The following BTBD8 variants were observed in gnomAD, a reference collection of about 807,000 sequenced individuals.
BTBD8 encodes BTB domain containing 8.
In BTBD8, 110 loss-of-function variants were observed where a neutral mutation model predicts 162.9. That is an observed-to-expected ratio of 0.68 (90% CI 0.58 to 0.79). The LOEUF is 0.79. Among genes scored for constraint, BTBD8 ranks in the 30% least tolerant of loss-of-function variants. BTBD8 has a pLI of 0.00. For synonymous variants in BTBD8, 667 were observed against 716.1 expected, an observed-to-expected ratio of 0.93 and a Z score of 1.10; for missense variants, 1,905 against 2,085.4, an observed-to-expected ratio of 0.91 and a Z score of 1.68.
Position 92,178,318 on chromosome 1 carries a change from A to G in BTBD8, c.2448A>G (p.Leu816=), listed in dbSNP as rs1557467437. Residue 816 remains leucine (L), a synonymous_variant, in exon 16 of 18, where the codon CTA becomes CTG. Coordinates refer to ENST00000636805, the MANE Select transcript of BTBD8 (RefSeq NM_001376131.1). ...TGCAAATAATTTTTTTTAGTGTACT[A>G]AAGAAAGTCAGTGGCAAAGGATGTA... ...EQDTNVNNSV[L]KKVSGKGCSE... The G allele has an allele frequency of 2.6e-6, 4 of 1,549,474 alleles. No homozygotes were observed. The highest frequency in any genetic ancestry group is 2.0e-5 in the Admixed American group (1 of 50,536).
rs758484989 is a variant in BTBD8 at position 92,181,630 on chromosome 1, A to G, written c.3947A>G (p.Asn1316Ser). ...TPEELKIYDSNLRIEVKMKKQ... is the reference protein window; with the variant it reads ...TPEELKIYDSSLRIEVKMKKQ... ...GAAGAATTAAAAATTTATGATAGTAATTTAAGAATTGAAGTAAAAATGAAA... is the reference window on the plus strand; with the variant it reads ...GAAGAATTAAAAATTTATGATAGTAGTTTAAGAATTGAAGTAAAAATGAAA... The change falls in exon 17 of 18, where the codon AAT (asparagine) becomes AGT (serine). Residue 1316 changes from asparagine (N) to serine (S), a missense_variant. Coordinates refer to ENST00000636805, the MANE Select transcript of BTBD8 (RefSeq NM_001376131.1). 13 of 1,550,382 alleles carry G rather than the reference A, an allele frequency of 8.4e-6. No individual in the cohort carries two copies. The South Asian group carries it at 1.5e-4, about 18-fold the overall frequency.
intron 1 of BTBD8, among the ~76,000 whole-genome samples, chr1:92,081,713 A>G: frequency 6.6e-6 from 1 of 152,180 alleles, no homozygotes; most frequent in South Asian, 2.1e-4. Flanking sequence ...AGCTGGGATT[A>G]CAGGCACGCG....
intron 1 of BTBD8, 114 bp from the exon 2 acceptor site, chr1:92,088,584 T>A: frequency 1.2e-6 from 1 of 801,220 alleles, no homozygotes; most frequent in Non-Finnish European, 1.8e-6. Flanking sequence ...GTATTAACTT[T>A]ATGTTGCCTC....
At chr1:92,095,528 T>C (rs1648427395) in intron 2 of BTBD8, among the ~76,000 whole-genome samples, 1 of 152,182 alleles carries the variant, frequency 6.6e-6, no homozygotes, top group Non-Finnish European at 1.5e-5. Context: ...TTTCTGTACA[T>C]TTTAAACACT....
rs146237408 is a variant in BTBD8 at position 92,087,171 on chromosome 1, A to G, written c.150-1527A>G. Among the ~76,000 whole-genome samples, 488 of 152,320 alleles carry G rather than the reference A, an allele frequency of 3.2e-3. 3 individuals carry two copies. Among genetic ancestry groups the G allele is most frequent in the African/African-American group, 0.011 (470 of 41,564 alleles). ...CAAATAAAAAACACTGTATTTTCAC[A>G]TTAACAATTTTATACACACTTTTTT... On this transcript the variant is annotated intron_variant, in intron 1 of 17. Coordinates refer to ENST00000636805, the MANE Select transcript of BTBD8 (RefSeq NM_001376131.1).
At chr1:92,117,677 A>T (rs1649079937) in intron 4 of BTBD8, among the ~76,000 whole-genome samples, 1 of 151,286 alleles carries the variant, frequency 6.6e-6, no homozygotes. Flanking sequence ...GTTCTTCATG[A>T]CTCCCTCTTC....
intron 4 of BTBD8, 86 bp from the exon 5 acceptor site, chr1:92,129,601 A>G (rs975696899): frequency 7.6e-5 from 76 of 1,001,798 alleles, no homozygotes; most frequent in Admixed American, 2.3e-4. Flanking sequence ...GTGTTTTAAT[A>G]CATAAAGATG....
chr1:92,173,153 G>A (rs1052818907), intron 13 of BTBD8, among the ~76,000 whole-genome samples: 1 of 152,106 alleles, frequency 6.6e-6, no homozygotes, highest in Non-Finnish European at 1.5e-5. Context: ...TCGAACTCCC[G>A]ACCTCAGGTG....
At chr1:92,139,543 CTA>C in intron 6 of BTBD8, 113 bp downstream of exon 6, 1 of 1,397,226 alleles carries the variant, frequency 7.2e-7, no homozygotes, top group Non-Finnish European at 9.3e-7. Context: ...GTCTATTATA[CTA>C]TATCTTCAGT....
chr1:92,127,550 GTTTT>G (rs760555991), intron 4 of BTBD8, among the ~76,000 whole-genome samples: 22 of 98,906 alleles, frequency 2.2e-4, no homozygotes, highest in Non-Finnish European at 4.1e-4. Context: ...GATTTTGGAA[GTTTT>G]TGTTTGTTTG....
chr1:92,104,341 C>A (rs1019706694), intron 3 of BTBD8, among the ~76,000 whole-genome samples: 1 of 152,110 alleles, frequency 6.6e-6, no homozygotes, highest in African/African-American at 2.4e-5. Context: ...TGAATGAATA[C>A]ACATTCTAGG....
intron 5 of BTBD8, among the ~76,000 whole-genome samples, chr1:92,132,266 T>C (rs576442465): frequency 6.6e-6 from 1 of 151,790 alleles, no homozygotes; most frequent in South Asian, 2.1e-4. Context: ...TTTATATAGT[T>C]CAAGGTGACC....
At chr1:92,081,064 C>G (rs1375525001) in intron 1 of BTBD8, among the ~76,000 whole-genome samples, 1 of 152,128 alleles carries the variant, frequency 6.6e-6, no homozygotes, top group African/African-American at 2.4e-5. Flanking sequence ...GAAACTTACA[C>G]AATTTTTAAA....
chr1:92,171,037 TA>T lies in BTBD8; in HGVS notation c.1574-360del, dbSNP rs575824816. 1.7e-3 allele frequency among the ~76,000 whole-genome samples: 266 copies of T among 152,180 alleles called. 3 individuals are homozygous for T. The highest frequency in any genetic ancestry group is 5.8e-3 in the African/African-American group (243 of 41,578). On this transcript the variant is annotated intron_variant, in intron 12 of 17. Coordinates refer to ENST00000636805, the MANE Select transcript of BTBD8 (RefSeq NM_001376131.1). ...AGCTTGTAGAATGTTACATTTGCTATAATCTGTAATTTTTTGTAATTTGGAG... is the reference window on the plus strand; with the variant it reads ...AGCTTGTAGAATGTTACATTTGCTATATCTGTAATTTTTTGTAATTTGGAG...
chr1:92,122,015 C>A (rs1649224627), intron 4 of BTBD8, among the ~76,000 whole-genome samples: 1 of 151,808 alleles, frequency 6.6e-6, no homozygotes, highest in Non-Finnish European at 1.5e-5. Context: ...TTATTGTGTT[C>A]TCTACACTGT....
rs1650892227 is a variant in BTBD8 at position 92,181,206 on chromosome 1, A to G, written c.3523A>G (p.Ile1175Val). The G allele has an allele frequency of 6.4e-7, 1 of 1,551,738 alleles. No homozygotes were observed. The highest frequency in any genetic ancestry group is 8.7e-7 in the Non-Finnish European group (1 of 1,146,988). ...GAAAGTTCCTGTGGAAGGACTGACA[A>G]TTCCTAGTAAGTTGTCAGATGAATC... is the stretch of plus-strand genomic sequence containing the variant. ...KSKVPVEGLT[I>V]PSKLSDESAM... The change falls in exon 17 of 18, where the codon ATT becomes GTT. Residue 1175 changes from isoleucine (I) to valine (V), a missense_variant. Physicochemically the swap from Ile to Val is conservative, Grantham distance 29 (BLOSUM62 3). Transcript: ENST00000636805.
At chr1:92,140,690 C>T (rs1382810035) in intron 6 of BTBD8, among the ~76,000 whole-genome samples, 1 of 152,158 alleles carries the variant, frequency 6.6e-6, no homozygotes, top group East Asian at 1.9e-4. Context: ...ATGCTATCTC[C>T]AATCTTAGGG....
chr1:92,184,233 T>C lies in BTBD8; in HGVS notation c.5282T>C (p.Leu1761Pro). ...AGATGGAGTGAACTAACATCTCCACTTGATTCCTCAGCGAGCATCACCATG... is the reference window on the plus strand; with the variant it reads ...AGATGGAGTGAACTAACATCTCCACCTGATTCCTCAGCGAGCATCACCATG... ...LNRWSELTSP[L>P]DSSASITMAS... Residue 1761 changes from leucine to proline, a missense_variant, in exon 18 of 18, where the codon CTT becomes CCT. Transcript: ENST00000636805. 6.4e-7 allele frequency: 1 copy of C among 1,551,646 alleles called. No homozygotes were observed. The highest frequency in any genetic ancestry group is 8.7e-7 in the Non-Finnish European group (1 of 1,146,860).
chr1:92,092,839 G>A (rs1648349945), intron 2 of BTBD8, among the ~76,000 whole-genome samples: 1 of 152,104 alleles, frequency 6.6e-6, no homozygotes, highest in African/African-American at 2.4e-5. Context: ...TTGGATGCCA[G>A]TCTTTTAGTT....
Sources: allele counts gnomAD v4.1 joint callset (sites outside exome capture counted in the v4.1 genomes callset), GRCh38; gene constraint gnomAD v4.1.1; transcripts MANE v1.5; gene names NCBI Gene and HGNC (gene_info 2026-07-23, HGNC 2026-07-21).